The following CLEC16A variants were observed in gnomAD, a reference collection of about 807,000 sequenced individuals.
CLEC16A encodes the protein protein CLEC16A.
CLEC16A carries 51 observed loss-of-function variants against 109.5 expected under a neutral mutation model. That is an observed-to-expected ratio of 0.47 (90% CI 0.37 to 0.59). The LOEUF (loss-of-function observed/expected upper bound fraction) is 0.59. CLEC16A is among the 20% of genes least tolerant of loss of function. The probability of loss-of-function intolerance (pLI) is 0.00; values close to 1 mark genes in which losing one functional copy is unlikely to be tolerated. For missense variants in CLEC16A, 1,339 were observed against 1,394.0 expected (o/e 0.96, Z 0.63); for synonymous variants, 673 against 564.2 (o/e 1.19, Z -2.73).
chr16:11,150,170 T>C (rs1210195237), intron 22 of CLEC16A: 1 of 152,248 alleles, frequency 6.6e-6, no homozygotes, highest in Non-Finnish European at 1.5e-5. Context: ...GTAATACCTA[T>C]GTGTGCCCTA....
chr16:10,971,763 C>T (rs989174904), intron 5 of CLEC16A, among the ~76,000 whole-genome samples: 5 of 152,216 alleles, frequency 3.3e-5, no homozygotes, highest in African/African-American at 1.2e-4. Context: ...GCCATTCCCC[C>T]ACTCTCCGCT....
chr16:11,095,302 G>A (rs981680265), intron 19 of CLEC16A, among the ~76,000 whole-genome samples: 12 of 152,188 alleles, frequency 7.9e-5, no homozygotes, highest in African/African-American at 2.9e-4. Flanking sequence ...CTGTGCAGGG[G>A]TCACGGCTGG....
intron 11 of CLEC16A, among the ~76,000 whole-genome samples, chr16:11,012,046 T>G (rs2045452841): frequency 6.6e-6 from 1 of 151,426 alleles, no homozygotes; most frequent in Non-Finnish European, 1.5e-5. Context: ...AATACTTTAC[T>G]TATCCCCATA....
intron 22 of CLEC16A, among the ~76,000 whole-genome samples, chr16:11,164,488 A>C (rs1047653388): frequency 6.6e-5 from 10 of 152,182 alleles, no homozygotes; most frequent in Non-Finnish European, 1.3e-4. Context: ...AAGGAGGCTG[A>C]GGGACATCAG....
intron 10 of CLEC16A, among the ~76,000 whole-genome samples, chr16:10,999,404 T>C (rs1276590865): frequency 6.6e-6 from 1 of 152,214 alleles, no homozygotes; most frequent in Non-Finnish European, 1.5e-5. Flanking sequence ...AAGTCGCATT[T>C]ACACCATCAC....
In CLEC16A at chr16:11,123,912, C is replaced by A. The variant is rs774886384; in HGVS notation, c.2439C>A (p.Ile813=). Residue 813 remains isoleucine (I), a synonymous_variant, in exon 21 of 24, where the codon ATC becomes ATA. Transcript: ENST00000409790. The stretch of plus-strand genomic sequence containing the variant: ...AGCAGCGCCTGGCCAAAGGCCGCAT[C>A]CAGGCAAGGCGCATGAAGATGCAGA... ...IAKQRLAKGR[I]QARRMKMQRI... 6.2e-7 allele frequency: 1 copy of A among 1,613,472 alleles called. No homozygotes were observed. Among genetic ancestry groups the A allele is most frequent in the Non-Finnish European group, 8.5e-7 (1 of 1,179,714 alleles).
chr16:10,971,763 C>G (rs989174904), intron 5 of CLEC16A, among the ~76,000 whole-genome samples: 7 of 152,216 alleles, frequency 4.6e-5, no homozygotes, highest in Non-Finnish European at 8.8e-5. Flanking sequence ...GCCATTCCCC[C>G]ACTCTCCGCT....
At position 11,179,497 on chromosome 16, in the gene CLEC16A, C is replaced by G. The variant is rs1318007835; in HGVS notation, c.*807C>G. On this transcript the variant is annotated 3_prime_UTR_variant, in exon 24 of 24. Transcript: ENST00000409790. Reference sequence around the variant, plus strand: ...TCTGCTATAGCAGCCGAGAGGCCTCCCATCATGGAAAGATTTCTCCAGGAA... The same window carrying G: ...TCTGCTATAGCAGCCGAGAGGCCTCGCATCATGGAAAGATTTCTCCAGGAA... 2 of 152,198 alleles carry G rather than the reference C, an allele frequency of 1.3e-5. No individual in the cohort carries two copies. The highest frequency in any genetic ancestry group is 4.8e-5 in the African/African-American group (2 of 41,444). The allele number at this position is 152,198 out of a possible 1,614,324, so 9.4% of individuals were successfully genotyped here. A position where few individuals can be genotyped will look rare whatever the true frequency, so the allele number is the denominator to read the frequency against.
At position 11,123,818 on chromosome 16, in the gene CLEC16A, A is replaced by T. The variant is rs1443206530; in HGVS notation, c.2345A>T (p.His782Leu). 2 of 1,613,856 alleles carry T rather than the reference A, an allele frequency of 1.2e-6. No homozygotes were observed. The highest frequency in any genetic ancestry group is 4.5e-5 in the East Asian group (2 of 44,884). Residue 782 changes from histidine (H) to leucine (L), a missense_variant, in exon 21 of 24, where the codon CAT (histidine) becomes CTT (leucine). Transcript: ENST00000409790. ...ITIHKPASSPHSKPFPILQAT... is the reference protein window; with the variant it reads ...ITIHKPASSPLSKPFPILQAT... Reference sequence around the variant, plus strand: ...ATCCACAAGCCTGCGTCCAGCCCCCATTCCAAGCCCTTCCCCATCCTCCAG... The same window carrying T: ...ATCCACAAGCCTGCGTCCAGCCCCCTTTCCAAGCCCTTCCCCATCCTCCAG...
At chr16:11,047,397 G>A (rs2047692471) in intron 17 of CLEC16A, 55 bp downstream of exon 17, 5 of 1,417,084 alleles carry the variant, frequency 3.5e-6, no homozygotes, top group Non-Finnish European at 4.8e-6. Context: ...TCCCTGCCAA[G>A]CTCCCCCTGC....
At chr16:10,974,099 G>A (rs200551746) in intron 7 of CLEC16A, among the ~76,000 whole-genome samples, 2 of 151,358 alleles carry the variant, frequency 1.3e-5, no homozygotes, top group African/African-American at 2.4e-5. Context: ...GGGTTTCACC[G>A]TGTTGGCTAG....
In CLEC16A at chr16:11,166,408, A is replaced by G; in HGVS notation, c.2662A>G (p.Ile888Val). 1 of 1,604,396 alleles carries G rather than the reference A, an allele frequency of 6.2e-7. No homozygotes were observed. The highest frequency in any genetic ancestry group is 8.5e-7 in the Non-Finnish European group (1 of 1,179,324). The change falls in exon 23 of 24, where the codon ATA (isoleucine) becomes GTA (valine). Residue 888 changes from isoleucine (I) to valine (V), a missense_variant. Ile to Val is a conservative substitution (Grantham distance 29). This residue lies in a region of CLEC16A where 1,061 missense variants were observed against 1,006.8 expected (regional missense o/e 1.05). Transcript: ENST00000409790. The stretch of plus-strand genomic sequence containing the variant: ...TGCAGGCTTCGCCGTGGCCCAGTGC[A>G]TAAACCAGCACAGCTCCCCGTCCCT... ...KVPGFAVAQC[I>V]NQHSSPSLSS... is the part of the protein sequence containing the mutation.
chr16:10,979,251 G>C, intron 8 of CLEC16A, 78 bp from the exon 9 acceptor site: 1 of 1,343,904 alleles, frequency 7.4e-7, no homozygotes, highest in South Asian at 1.2e-5. Flanking sequence ...CACACAGAAG[G>C]CTTTTGGCTT....
chr16:11,166,620 A>G (rs1050021516), intron 23 of CLEC16A, 68 bp downstream of exon 23: 5 of 1,444,110 alleles, frequency 3.5e-6, no homozygotes, highest in Non-Finnish European at 4.6e-6. Flanking sequence ...CCATTACCAA[A>G]ACCCCTGACC....
At chr16:11,035,195 A>G (rs2046953275) in intron 13 of CLEC16A, among the ~76,000 whole-genome samples, 1 of 152,176 alleles carries the variant, frequency 6.6e-6, no homozygotes, top group Non-Finnish European at 1.5e-5. Flanking sequence ...TACCACCTTA[A>G]AATAACCAAC....
At position 11,093,930 on chromosome 16, in the gene CLEC16A, A is replaced by C. The variant is rs140367130; in HGVS notation, c.2117-26685A>C. 6.6e-3 allele frequency among the ~76,000 whole-genome samples: 1,004 copies of C among 152,268 alleles called. 17 individuals carry two copies. The highest frequency in any genetic ancestry group is 0.023 in the African/African-American group (953 of 41,536). ...CAGTGACCCAAGCCACGGTGCGTTCAGGGATGGGGCAGGCTTGGTTAGAAG... is the reference window on the plus strand; with the variant it reads ...CAGTGACCCAAGCCACGGTGCGTTCCGGGATGGGGCAGGCTTGGTTAGAAG... On this transcript the variant is annotated intron_variant, in intron 19 of 23. Transcript: ENST00000409790.
chr16:11,043,432 C>A (rs1297776795), intron 15 of CLEC16A, among the ~76,000 whole-genome samples: 1 of 151,928 alleles, frequency 6.6e-6, no homozygotes, highest in Admixed American at 6.6e-5. Context: ...AAAAAGGAGT[C>A]ATGATGGCCA....
At position 10,977,246 on chromosome 16, in the gene CLEC16A, G is replaced by C; in HGVS notation, c.750G>C (p.Leu250=). The C allele has an allele frequency of 1.2e-6, 2 of 1,613,920 alleles. No homozygotes were observed. The highest frequency in any genetic ancestry group is 1.7e-6 in the Non-Finnish European group (2 of 1,179,870). Residue 250 remains leucine (L), a synonymous_variant, in exon 8 of 24, where the codon CTG becomes CTC. Coordinates refer to ENST00000409790, the MANE Select transcript of CLEC16A (RefSeq NM_015226.3). ...GCAGGCATCGGAATCGGGGTAAACTGAGTGATCTGGTGGCAGAGCACCTAG... is the reference window on the plus strand; with the variant it reads ...GCAGGCATCGGAATCGGGGTAAACTCAGTGATCTGGTGGCAGAGCACCTAG... ...TDEEHRNRGK[L]SDLVAEHLDH...
At chr16:11,151,415 C>A (rs1239865065) in intron 22 of CLEC16A, among the ~76,000 whole-genome samples, 1 of 152,230 alleles carries the variant, frequency 6.6e-6, no homozygotes, top group Non-Finnish European at 1.5e-5. Flanking sequence ...TCAGATGACT[C>A]CTGCCCAGTG....
Sources: gnomAD v4.1 joint callset for allele counts (sites outside exome capture counted in the v4.1 genomes callset) on GRCh38, gnomAD v4.1.1 for gene constraint, gnomAD v4.1.1 regional missense constraint, MANE v1.5 for transcripts, NCBI Gene and HGNC (gene_info 2026-07-23, HGNC 2026-07-21) for gene names.